The following EPCIP variants were observed in gnomAD, a reference collection of about 807,000 sequenced individuals.
EPCIP encodes the protein exosomal polycystin 1 interacting protein.
At chr21:32,809,265 T>TTCCCTCCC in the EPCIP span, among the ~76,000 whole-genome samples, 7,236 of 54,532 alleles carry the variant, frequency 0.13, 497 homozygotes, top group East Asian at 0.19. Flanking sequence ...CTTTTCTTTC[T>TTCCCTCCC]TCCCTCCCTC....
the EPCIP span, chr21:32,797,477 G>A: frequency 1.2e-5 from 2 of 164,104 alleles, no homozygotes; most frequent in Non-Finnish European, 2.7e-5. Flanking sequence ...TTGAACTCCT[G>A]ACCTTAGGGT....
At chr21:32,804,483 T>A in the EPCIP span, among the ~76,000 whole-genome samples, 2 of 151,906 alleles carry the variant, frequency 1.3e-5, no homozygotes, top group Admixed American at 6.6e-5. Flanking sequence ...TGTATACTCA[T>A]AAGTACTCAT....
At chr21:32,792,459 G>A in the EPCIP span, among the ~76,000 whole-genome samples, 2 of 152,080 alleles carry the variant, frequency 1.3e-5, no homozygotes, top group Non-Finnish European at 2.9e-5. Flanking sequence ...AAATTCCCAG[G>A]CTAGCCCCTA....
chr21:32,799,027 A>G, the EPCIP span: 1 of 152,192 alleles, frequency 6.6e-6, no homozygotes, highest in Non-Finnish European at 1.5e-5. Flanking sequence ...AAATATTAGG[A>G]GGCAAAAATA....
the EPCIP span, chr21:32,793,876 T>C: frequency 1.2e-6 from 2 of 1,614,160 alleles, no homozygotes; most frequent in Non-Finnish European, 1.7e-6. Context: ...TACTATATGA[T>C]TTTAAGGCTG....
At chr21:32,795,116 G>T in the EPCIP span, among the ~76,000 whole-genome samples, 3 of 152,092 alleles carry the variant, frequency 2.0e-5, no homozygotes, top group African/African-American at 2.4e-5. Context: ...CCTGTTCAGG[G>T]CCTCTTACAA....
At chr21:32,812,156 T>C in the EPCIP span, among the ~76,000 whole-genome samples, 3 of 152,232 alleles carry the variant, frequency 2.0e-5, no homozygotes, top group Admixed American at 2.0e-4. Flanking sequence ...AACTAAAATA[T>C]GTGGCTACCG....
the EPCIP span, among the ~76,000 whole-genome samples, chr21:32,810,142 C>G: frequency 1.6e-4 from 24 of 151,512 alleles, 1 homozygote; most frequent in African/African-American, 5.3e-4. Context: ...CCTCCCCCTT[C>G]TTTTTGAGTG....
the EPCIP span, chr21:32,794,575 C>T: frequency 1.4e-6 from 1 of 725,260 alleles, no homozygotes; most frequent in South Asian, 2.0e-5. Flanking sequence ...AAGTTGTAAA[C>T]ATTTCTTTCT....
chr21:32,802,718 G>A, the EPCIP span, among the ~76,000 whole-genome samples: 1 of 152,146 alleles, frequency 6.6e-6, no homozygotes, highest in Non-Finnish European at 1.5e-5. Flanking sequence ...CCTCCTATGA[G>A]CATGAGTCAG....
At chr21:32,807,941 G>A in the EPCIP span, among the ~76,000 whole-genome samples, 12 of 152,336 alleles carry the variant, frequency 7.9e-5, no homozygotes, top group East Asian at 1.5e-3. Flanking sequence ...AGGAGGAAGC[G>A]TGAAATACAC....
chr21:32,805,451 TC>T, the EPCIP span, among the ~76,000 whole-genome samples: 1 of 151,998 alleles, frequency 6.6e-6, no homozygotes, highest in African/African-American at 2.4e-5. Flanking sequence ...AATCTTTGCA[TC>T]CCGTGTTCAA....
At chr21:32,810,324 C>T in the EPCIP span, among the ~76,000 whole-genome samples, 10 of 135,192 alleles carry the variant, frequency 7.4e-5, no homozygotes, top group African/African-American at 1.1e-4. Context: ...GGTGTGATCT[C>T]GGCTCATTGC....
At chr21:32,793,462 C>A in the EPCIP span, 1 of 502,212 alleles carries the variant, frequency 2.0e-6, no homozygotes, top group Non-Finnish European at 3.5e-6. Context: ...CGGGACATTT[C>A]CCTGCAGGCT....
chr21:32,796,907 T>C, the EPCIP span: 1 of 464,690 alleles, frequency 2.2e-6, no homozygotes, highest in South Asian at 1.6e-5. Context: ...AGCCCGAACC[T>C]AGTGAGAAAA....
the EPCIP span, chr21:32,797,926 C>T: frequency 6.6e-6 from 1 of 152,278 alleles, no homozygotes; most frequent in East Asian, 1.9e-4. Flanking sequence ...GCTTTGTTCC[C>T]AGATAAGATC....
At chr21:32,798,324 G>T in the EPCIP span, 1 of 152,282 alleles carries the variant, frequency 6.6e-6, no homozygotes, top group Non-Finnish European at 1.5e-5. Flanking sequence ...CAGAAATAGG[G>T]ACACAAGTGC....
the EPCIP span, among the ~76,000 whole-genome samples, chr21:32,793,209 G>C: frequency 6.6e-6 from 1 of 151,986 alleles, no homozygotes; most frequent in Non-Finnish European, 1.5e-5. Context: ...CGCCCGCCTC[G>C]GCCTCCCAAA....
the EPCIP span, among the ~76,000 whole-genome samples, chr21:32,808,678 A>G: frequency 6.6e-6 from 1 of 152,214 alleles, no homozygotes. Flanking sequence ...AAAAAGGACA[A>G]TGGGTGAAAT....
Sources: allele counts gnomAD v4.1 joint callset (sites outside exome capture counted in the v4.1 genomes callset), GRCh38; gene constraint gnomAD v4.1.1; transcripts MANE v1.5; gene names NCBI Gene and HGNC (gene_info 2026-07-23, HGNC 2026-07-21).